ACO1: variants seen among roughly 807,000 people sequenced by gnomAD.
ACO1 encodes the protein aconitase 1, also known as cytoplasmic aconitate hydratase.
Under a neutral mutation model 105.1 loss-of-function variants are expected in ACO1, and 78 were observed. The ratio of observed to expected loss-of-function variants is 0.74; its 90% confidence interval spans 0.62 to 0.90. ACO1 has a LOEUF of 0.90. Ranked by LOEUF, ACO1 falls within the 40% of genes least tolerant of loss-of-function variation. The probability of loss-of-function intolerance (pLI) is 0.00; values close to 1 mark genes in which losing one functional copy is unlikely to be tolerated. For missense variants in ACO1, 965 were observed against 1,111.1 expected, an observed-to-expected ratio of 0.87 and a Z score of 1.87; for synonymous variants, 364 against 397.4, an observed-to-expected ratio of 0.92 and a Z score of 1.00.
At chr9:32,449,784 T>C (rs1822715247) in intron 20 of ACO1, among the ~76,000 whole-genome samples, 1 of 152,158 alleles carries the variant, frequency 6.6e-6, no homozygotes, top group Non-Finnish European at 1.5e-5. Flanking sequence ...ATTCTCAAAC[T>C]GTAATGGGCA....
chr9:32,407,210 C>T (rs767286600), intron 2 of ACO1, 51 bp from the exon 3 acceptor site: 1 of 1,577,086 alleles, frequency 6.3e-7, no homozygotes, highest in Non-Finnish European at 8.7e-7. Context: ...TTAAAGAGCG[C>T]TCTTAAGTTG....
rs775822687 is a variant in ACO1 at position 32,418,208 on chromosome 9, G to A, written c.474+11G>A. On this transcript the variant is annotated intron_variant, in intron 5 of 20. Transcript: ENST00000309951. ...TTTGAATTTTTAAAGGTATGGGCAG[G>A]GTCTGGTTCCATTGTTTGGTTTTCT... The A allele has an allele frequency of 8.1e-6, 13 of 1,614,036 alleles. No homozygotes were observed. In the Admixed American group the frequency reaches 2.2e-4, roughly 27 times the overall value.
chr9:32,450,030 G>C lies in ACO1; in HGVS notation c.2589G>C (p.Met863Ile), dbSNP rs568296875. 6.2e-7 allele frequency: 1 copy of C among 1,613,980 alleles called. No individual in the cohort carries two copies. The highest frequency in any genetic ancestry group is 1.7e-5 in the Admixed American group (1 of 60,004). The change falls in exon 21 of 21, where the codon ATG becomes ATC. Residue 863 changes from methionine to isoleucine, a missense_variant. Met to Ile is a conservative substitution (Grantham distance 10, BLOSUM62 1). Coordinates refer to ENST00000309951, the MANE Select transcript of ACO1 (RefSeq NM_002197.3). ...CTGGCAAGACCTTCCAGGCTGTCATGAGGTTTGACACTGATGTGGAGCTCA... is the reference window on the plus strand; with the variant it reads ...CTGGCAAGACCTTCCAGGCTGTCATCAGGTTTGACACTGATGTGGAGCTCA... ...LDTGKTFQAV[M>I]RFDTDVELTY...
At chr9:32,386,806 T>G (rs540073736) in intron 1 of ACO1, among the ~76,000 whole-genome samples, 2 of 152,356 alleles carry the variant, frequency 1.3e-5, no homozygotes, top group African/African-American at 4.8e-5. Flanking sequence ...TAGATTTTTA[T>G]TGGCCACCTA....
intron 3 of ACO1, 59 bp from the exon 4 acceptor site, chr9:32,408,455 A>G (rs1285158316): frequency 6.3e-7 from 1 of 1,594,894 alleles, no homozygotes; most frequent in Non-Finnish European, 8.6e-7. Flanking sequence ...CAAAAGCTGA[A>G]AAATCCAGTT....
Position 32,407,264 on chromosome 9 carries a change from G to A in ACO1, c.101G>A (p.Arg34His), listed in dbSNP as rs369961548. ...LNKLEDSRYG[R>H]LPFSIRVLLE... The stretch of plus-strand genomic sequence containing the variant: ...TTTTGTCATCCTTAACTCTTAGGGC[G>A]CTTACCATTTTCGATCAGAGTTCTT... The change falls in exon 3 of 21, where the codon CGC becomes CAC. Residue 34 changes from arginine to histidine, a missense_variant. Arg to His is a conservative substitution (Grantham distance 29, BLOSUM62 0). Transcript: ENST00000309951. 109 of 1,613,936 alleles carry A rather than the reference G, an allele frequency of 6.8e-5. No homozygotes were observed. In the South Asian group the frequency reaches 8.3e-4, roughly 12 times the overall value.
At position 32,387,080 on chromosome 9, in the gene ACO1, C is replaced by T. The variant is rs140508939; in HGVS notation, c.-23+2345C>T. Among the ~76,000 whole-genome samples the T allele has an allele frequency of 2.0e-5, 3 of 152,304 alleles. No individual in the cohort carries two copies. The East Asian group carries it at 5.8e-4, about 29-fold the overall frequency. The stretch of plus-strand genomic sequence containing the variant: ...TGATGATAAAAACCAACGTGTATCA[C>T]CACGTGCCTGGCAAAGAACTTCCTT... On this transcript the variant is annotated intron_variant, in intron 1 of 20. Transcript: ENST00000309951.
chr9:32,388,232 G>A (rs1484948861), intron 1 of ACO1, among the ~76,000 whole-genome samples: 1 of 152,136 alleles, frequency 6.6e-6, no homozygotes, highest in Non-Finnish European at 1.5e-5. Flanking sequence ...CAGAGACAAA[G>A]GAAATGTTAA....
intron 1 of ACO1, among the ~76,000 whole-genome samples, chr9:32,404,986 C>T (rs1333339585): frequency 2.0e-5 from 3 of 152,192 alleles, no homozygotes; most frequent in African/African-American, 7.2e-5. Flanking sequence ...TTCCAGTAGC[C>T]TTTGCTGCCC....
At chr9:32,428,112 CA>C (rs60470407) in intron 12 of ACO1, among the ~76,000 whole-genome samples, 62,954 of 144,606 alleles carry the variant, frequency 0.44, 13,293 homozygotes, top group South Asian at 0.51. Context: ...CCTGTTTCTA[CA>C]AAAAAAAAAA....
chr9:32,449,052 C>T lies in ACO1; in HGVS notation c.2527C>T (p.Leu843Phe), dbSNP rs917912455. 6.2e-7 allele frequency: 1 copy of T among 1,609,600 alleles called. No individual in the cohort carries two copies. The highest frequency in any genetic ancestry group is 1.7e-4 in the Middle Eastern group (1 of 6,036). Reference sequence around the variant, plus strand: ...ATACACTATCATTATTCCAGAAAACCTCAAACCACAAATGAAAGTCCAGGT... The same window carrying T: ...ATACACTATCATTATTCCAGAAAACTTCAAACCACAAATGAAAGTCCAGGT... ...ERYTIIIPENLKPQMKVQVKL... is the reference protein window; with the variant it reads ...ERYTIIIPENFKPQMKVQVKL... Residue 843 changes from leucine (L) to phenylalanine (F), a missense_variant, in exon 20 of 21, where the codon CTC becomes TTC. Coordinates refer to ENST00000309951, the MANE Select transcript of ACO1 (RefSeq NM_002197.3).
intron 19 of ACO1, among the ~76,000 whole-genome samples, chr9:32,440,896 A>G (rs1303550099): frequency 6.6e-6 from 1 of 152,148 alleles, no homozygotes; most frequent in Non-Finnish European, 1.5e-5. Flanking sequence ...TATGTCTTTC[A>G]TGGGGAGAGG....
intron 17 of ACO1, 173 bp from the exon 18 acceptor site, chr9:32,436,077 C>A: frequency 1.2e-6 from 1 of 816,578 alleles, no homozygotes; most frequent in Non-Finnish European, 2.0e-6. Context: ...TCTCTCTTCT[C>A]CGTTGAAGCT....
chr9:32,451,234 A>G lies in ACO1; in HGVS notation c.*1123A>G, dbSNP rs1244732605. 1 of 152,198 alleles carries G rather than the reference A, an allele frequency of 6.6e-6. No individual in the cohort carries two copies. The highest frequency in any genetic ancestry group is 2.4e-5 in the African/African-American group (1 of 41,430). The allele number at this position is 152,198 out of a possible 1,614,324, so 9.4% of individuals were successfully genotyped here. On this transcript the variant is annotated 3_prime_UTR_variant, in exon 21 of 21. Coordinates refer to ENST00000309951, the MANE Select transcript of ACO1 (RefSeq NM_002197.3). ...AACAGAAATGTATTTTCTCACAGTTATGGAGGCTGGAATTCTGAGATCAAA... is the reference window on the plus strand; with the variant it reads ...AACAGAAATGTATTTTCTCACAGTTGTGGAGGCTGGAATTCTGAGATCAAA...
Position 32,433,766 on chromosome 9 carries a change from A to C in ACO1, c.1890A>C (p.Ser630=). 6.2e-7 allele frequency: 1 copy of C among 1,613,048 alleles called. No individual in the cohort carries two copies. Among genetic ancestry groups the C allele is most frequent in the Non-Finnish European group, 8.5e-7 (1 of 1,179,804 alleles). ...GCTGGAATGCCTTAGCAACCCCATC[A>C]GATAAGCTGTTTTTCTGGAATTCCA... ...NESWNALATP[S]DKLFFWNSKS... The change falls in exon 16 of 21, where the codon TCA becomes TCC. Residue 630 remains serine (S), a synonymous_variant. Coordinates refer to ENST00000309951, the MANE Select transcript of ACO1 (RefSeq NM_002197.3).
At chr9:32,397,290 TCTC>T (rs368580667) in intron 1 of ACO1, among the ~76,000 whole-genome samples, 16 of 152,216 alleles carry the variant, frequency 1.1e-4, no homozygotes, top group African/African-American at 3.1e-4. Flanking sequence ...TCATGTGACT[TCTC>T]CTTCAAAGTT....
At chr9:32,407,238 A>G in intron 2 of ACO1, 23 bp from the exon 3 acceptor site, 1 of 1,611,174 alleles carries the variant, frequency 6.2e-7, no homozygotes, top group Non-Finnish European at 8.5e-7. Context: ...GGTTTTGTTT[A>G]TTTTGTCATC....
intron 19 of ACO1, among the ~76,000 whole-genome samples, chr9:32,443,595 A>C (rs1009071562): frequency 2.0e-5 from 3 of 152,234 alleles, no homozygotes; most frequent in Admixed American, 2.0e-4. Context: ...AATATTTCAG[A>C]AATAGAACTC....
rs72561762 is a variant in ACO1 at position 32,412,255 on chromosome 9, C to T, written c.404+3604C>T. Among the ~76,000 whole-genome samples, 116 of 152,008 alleles carry T rather than the reference C, an allele frequency of 7.6e-4. 1 individual carries two copies. The highest frequency in any genetic ancestry group is 1.5e-3 in the Non-Finnish European group (101 of 68,020). On this transcript the variant is annotated intron_variant, in intron 4 of 20. Transcript: ENST00000309951. ...CATGATCACATTGTAGCTCAACGAG[C>T]GAGATGCTACATTGCATATGTAGAG...
Sources: gnomAD v4.1 joint callset for allele counts (sites outside exome capture counted in the v4.1 genomes callset) on GRCh38, gnomAD v4.1.1 for gene constraint, MANE v1.5 for transcripts, NCBI Gene and HGNC (gene_info 2026-07-23, HGNC 2026-07-21) for gene names.